Variants in USF2 observed in about 807,000 individuals in gnomAD.
USF2 encodes the protein upstream transcription factor 2, c-fos interacting.
USF2 carries 16 observed loss-of-function variants against 46.9 expected under a neutral mutation model. The observed-to-expected ratio is 0.34, with a 90% CI of 0.23 to 0.52. The LOEUF is 0.52. Ranked by LOEUF, USF2 falls within the 20% of genes least tolerant of loss-of-function variation. USF2 has a pLI of 0.96. For synonymous variants in USF2, 239 were observed against 194.1 expected (o/e 1.23, Z -1.92); for missense variants, 411 against 474.0 (o/e 0.87, Z 1.23).
Position 35,269,815 on chromosome 19 carries a change from G to A in USF2, c.241G>A (p.Val81Ile). The change falls in exon 4 of 10, where the codon GTA (valine) becomes ATA (isoleucine). Residue 81 changes from valine (V) to isoleucine (I), a missense_variant. Physicochemically the swap from Val to Ile is conservative, Grantham distance 29 (BLOSUM62 3). Transcript: ENST00000222305. Reference protein sequence around the residue: ...ETNGGQVTYRVVQVTDGQLDG... With the variant: ...ETNGGQVTYRIVQVTDGQLDG... ...CCGCCCCCTGCAGGTGACATACCGCGTAGTCCAGGTGACTGATGGTCAGCT... is the reference window on the plus strand; with the variant it reads ...CCGCCCCCTGCAGGTGACATACCGCATAGTCCAGGTGACTGATGGTCAGCT... The A allele has an allele frequency of 6.7e-7, 1 of 1,488,934 alleles. No homozygotes were observed. The highest frequency in any genetic ancestry group is 8.9e-7 in the Non-Finnish European group (1 of 1,123,410). 92.2% of individuals were successfully genotyped at this position (1,488,934 alleles called of 1,614,324 possible).
At position 35,279,036 on chromosome 19, in the gene USF2, G is replaced by A. The variant is rs1332824568; in HGVS notation, c.913G>A (p.Glu305Lys). ...CATGCAGGAGACCTTCAAAGAGGCC[G>A]AGCGGCTGCAGATGGACAACGAGCT... is the stretch of plus-strand genomic sequence containing the variant. Reference protein sequence around the residue: ...QRMQETFKEAERLQMDNELLR... With the variant: ...QRMQETFKEAKRLQMDNELLR... Residue 305 changes from glutamate (E) to lysine (K), a missense_variant, in exon 9 of 10, where the codon GAG becomes AAG. By Grantham distance (56) the Glu-to-Lys change is moderately conservative (BLOSUM62 1). Around this residue, in one of 2 missense-constraint regions of USF2, gnomAD observed 93 missense variants for 151.6 expected, o/e 0.61. Transcript: ENST00000222305. 15 of 1,595,294 alleles carry A rather than the reference G, an allele frequency of 9.4e-6. No homozygotes were observed. The highest frequency in any genetic ancestry group is 1.7e-4 in the Middle Eastern group (1 of 5,964).
rs751872384 is a variant in USF2 at position 35,270,605 on chromosome 19, G to A, written c.580+8G>A. The A allele has an allele frequency of 6.2e-7, 1 of 1,612,936 alleles. No individual in the cohort carries two copies. The highest frequency in any genetic ancestry group is 8.5e-7 in the Non-Finnish European group (1 of 1,179,062). The stretch of plus-strand genomic sequence containing the variant: ...AGAGCTTGCAGGCTGGAGGTGAGGA[G>A]TAGAAGTCAGATTGGCAGGTGGGGG... On this transcript the variant is annotated splice_region_variant and intron_variant, in intron 5 of 9. Transcript: ENST00000222305.
intron 1 of USF2, 85 bp from the exon 2 acceptor site, chr19:35,269,361 G>T: frequency 8.8e-7 from 1 of 1,135,374 alleles, no homozygotes; most frequent in Admixed American, 4.9e-5. Flanking sequence ...GCGGCCGGGT[G>T]GGACTGGGGC....
chr19:35,272,427 C>G (rs2066170699), intron 7 of USF2, among the ~76,000 whole-genome samples: 1 of 152,034 alleles, frequency 6.6e-6, no homozygotes, highest in African/African-American at 2.4e-5. Flanking sequence ...TGTTGAGAAC[C>G]TCAGGAGAGT....
At position 35,270,552 on chromosome 19, in the gene USF2, A is replaced by G. The variant is rs768595636; in HGVS notation, c.535A>G (p.Thr179Ala). ...CCCAGCGTCCAGTGTGGGAGATACTACGGCTGTGTCCGTACAGACCACAGA... is the reference window on the plus strand; with the variant it reads ...CCCAGCGTCCAGTGTGGGAGATACTGCGGCTGTGTCCGTACAGACCACAGA... ...YFPASSVGDT[T>A]AVSVQTTDQS... Residue 179 changes from threonine (T) to alanine (A), a missense_variant, in exon 5 of 10, where the codon ACG (threonine) becomes GCG (alanine). This residue lies in a region of USF2 where 318 missense variants were observed against 322.4 expected (regional missense o/e 0.99). Transcript: ENST00000222305. 4 of 1,614,126 alleles carry G rather than the reference A, an allele frequency of 2.5e-6. No homozygotes were observed. Among genetic ancestry groups the G allele is most frequent in the Non-Finnish European group, 3.4e-6 (4 of 1,180,010 alleles).
At chr19:35,270,342 T>C in intron 4 of USF2, 105 bp from the exon 5 acceptor site, 1 of 1,494,012 alleles carries the variant, frequency 6.7e-7, no homozygotes, top group Non-Finnish European at 9.0e-7. Flanking sequence ...GAGTCCCCAC[T>C]CCTGTTAATT....
intron 1 of USF2, 112 bp from the exon 2 acceptor site, chr19:35,269,316 GGCCCCCGGCCTCGGCGGC>G (rs1297198775): frequency 3.7e-5 from 33 of 896,974 alleles, no homozygotes; most frequent in South Asian, 1.5e-4. Context: ...TCCCGCCCCC[GGCCCCCGGCCTCGGCGGC>G]GCCCCCGGCC....
rs1448750938 is a variant in USF2 at position 35,269,175 on chromosome 19, G to A, written c.62+12G>A. 3.0e-6 allele frequency: 3 copies of A among 994,610 alleles called. No homozygotes were observed. Among genetic ancestry groups the A allele is most frequent in the East Asian group, 1.2e-4 (1 of 8,660 alleles). 61.6% of individuals were successfully genotyped at this position (994,610 alleles called of 1,614,324 possible). The stretch of plus-strand genomic sequence containing the variant: ...GCTGCCGCCGCCAGGTAAGATCCCC[G>A]GCCCGGCCGTGCCCCCGCGCCCCGG... On this transcript the variant is annotated intron_variant, in intron 1 of 9. Transcript: ENST00000222305.
At chr19:35,278,405 T>C (rs2066263696) in intron 7 of USF2, 1 of 354,050 alleles carries the variant, frequency 2.8e-6, no homozygotes, top group Non-Finnish European at 5.2e-6. Flanking sequence ...TCGATTAAAA[T>C]TTGTACAAGT....
intron 7 of USF2, chr19:35,276,830 G>A (rs566200979): frequency 1.3e-5 from 2 of 152,392 alleles, no homozygotes; most frequent in East Asian, 3.9e-4. Context: ...ATGCAATGGG[G>A]TTAGTGCCAC....
At chr19:35,278,576 T>C (rs1275945346) in intron 7 of USF2, 122 bp from the exon 8 acceptor site, 3 of 983,360 alleles carry the variant, frequency 3.1e-6, no homozygotes, top group East Asian at 4.8e-5. Context: ...TTCCCAGGGC[T>C]GTGGTCTCGG....
intron 7 of USF2, chr19:35,277,103 G>C (rs2066244834): frequency 1.3e-5 from 2 of 152,310 alleles, no homozygotes; most frequent in Admixed American, 1.3e-4. Flanking sequence ...TGCGCCAGCG[G>C]TGCCTCCAGG....
intron 6 of USF2, 63 bp from the exon 7 acceptor site, chr19:35,271,020 C>G (rs761833340): frequency 5.7e-6 from 9 of 1,591,568 alleles, no homozygotes; most frequent in Non-Finnish European, 7.7e-6. Flanking sequence ...TAATACTTAG[C>G]AGATGCTTGG....
chr19:35,271,966 G>A (rs1393299248), intron 7 of USF2, among the ~76,000 whole-genome samples: 1 of 152,166 alleles, frequency 6.6e-6, no homozygotes, highest in African/African-American at 2.4e-5. Context: ...TTTGTGGGGT[G>A]CTGGTTTGGT....
chr19:35,278,843 TG>T, intron 8 of USF2, 51 bp downstream of exon 8: 1 of 1,611,270 alleles, frequency 6.2e-7, no homozygotes, highest in Non-Finnish European at 8.5e-7. Flanking sequence ...CCCCGACCCT[TG>T]CATGCAGAAA....
At chr19:35,277,798 G>A (rs2066255195) in intron 7 of USF2, 1 of 152,320 alleles carries the variant, frequency 6.6e-6, no homozygotes, top group African/African-American at 2.4e-5. Context: ...GGGCTTGGCA[G>A]CCAGGGTTGG....
rs1321172096 is a variant in USF2 at position 35,269,877 on chromosome 19, C to T, written c.303C>T (p.Val101=). 1 of 1,416,806 alleles carries T rather than the reference C, an allele frequency of 7.1e-7. No individual in the cohort carries two copies. The highest frequency in any genetic ancestry group is 9.1e-7 in the Non-Finnish European group (1 of 1,093,938). The allele number at this position is 1,416,806 out of a possible 1,614,324, so 87.8% of individuals were successfully genotyped here. The change falls in exon 4 of 10, where the codon GTC becomes GTT. Residue 101 remains valine, a synonymous_variant. Transcript: ENST00000222305. ...GCGACACAGCTGGCGCCGTCAGCGT[C>T]GTGTCCACCGCTGCCTTCGCGGGGG... ...GQGDTAGAVS[V]VSTAAFAGGQ... is the part of the protein sequence containing the mutation.
intron 4 of USF2, 180 bp downstream of exon 4, chr19:35,270,183 G>C: frequency 4.2e-6 from 4 of 962,192 alleles, no homozygotes; most frequent in Non-Finnish European, 5.8e-6. Context: ...AGTGCTCTTG[G>C]AATTTTTTTT....
Position 35,279,729 on chromosome 19 carries a change from T to G in USF2, c.*473T>G, listed in dbSNP as rs142360608. The G allele has an allele frequency of 3.0e-4, 50 of 166,210 alleles. No individual in the cohort carries two copies. The highest frequency in any genetic ancestry group is 1.2e-3 in the African/African-American group (49 of 42,090). The allele number at this position is 166,210 out of a possible 1,614,324, so 10.3% of individuals were successfully genotyped here. Reference sequence around the variant, plus strand: ...CCCCTTTGGGGGTGTGTGTGTGTGTTTTAATTTTCTTTATGGAAAAATTGA... The same window carrying G: ...CCCCTTTGGGGGTGTGTGTGTGTGTGTTAATTTTCTTTATGGAAAAATTGA... On this transcript the variant is annotated 3_prime_UTR_variant, in exon 10 of 10. Coordinates refer to ENST00000222305, the MANE Select transcript of USF2 (RefSeq NM_003367.4).
Sources: gnomAD v4.1 joint callset for allele counts (sites outside exome capture counted in the v4.1 genomes callset) on GRCh38, gnomAD v4.1.1 for gene constraint, gnomAD v4.1.1 regional missense constraint, MANE v1.5 for transcripts, NCBI Gene and HGNC (gene_info 2026-07-23, HGNC 2026-07-21) for gene names.